ERICH1: variants seen among roughly 807,000 people sequenced by gnomAD.
The protein encoded by ERICH1 is glutamate-rich protein 1.
A neutral mutation model predicts 39.6 loss-of-function variants in ERICH1; 56 were observed. That is an observed-to-expected ratio of 1.41 (90% CI 1.14 to 1.77). The LOEUF is 1.77. ERICH1 is among the 40% of genes most tolerant of loss of function. ERICH1 has a pLI of 0.00. For missense variants in ERICH1, 826 were observed against 575.4 expected (o/e 1.44, Z -4.45); for synonymous variants, 313 against 223.6 (o/e 1.40, Z -3.57).
intron 3 of ERICH1, among the ~76,000 whole-genome samples, chr8:683,205 G>A (rs1806529278): frequency 6.6e-6 from 1 of 152,236 alleles, no homozygotes; most frequent in Admixed American, 6.5e-5. Context: ...CGGTGGCTGT[G>A]GCTGGCGTGG....
At chr8:617,892 T>C (rs1358845243) in intron 3 of ERICH1, among the ~76,000 whole-genome samples, 2 of 144,356 alleles carry the variant, frequency 1.4e-5, no homozygotes, top group Non-Finnish European at 3.0e-5. Context: ...GCCCTCTGAG[T>C]GCTCGGTACT....
At chr8:631,102 C>G (rs187667236) in intron 3 of ERICH1, among the ~76,000 whole-genome samples, 17 of 152,360 alleles carry the variant, frequency 1.1e-4, no homozygotes, top group African/African-American at 4.1e-4. Flanking sequence ...GTGGACAGAG[C>G]TGACTCACAC....
At chr8:715,495 C>T (rs977488417) in intron 2 of ERICH1, among the ~76,000 whole-genome samples, 2 of 152,240 alleles carry the variant, frequency 1.3e-5, no homozygotes, top group African/African-American at 4.8e-5. Flanking sequence ...GGGCACAAGC[C>T]AACGGGGCCA....
chr8:658,226 G>A (rs1800918982), intron 3 of ERICH1, among the ~76,000 whole-genome samples: 1 of 152,210 alleles, frequency 6.6e-6, no homozygotes. Flanking sequence ...GGCCCAGCCT[G>A]GCCCCTTGCT....
intron 3 of ERICH1, among the ~76,000 whole-genome samples, chr8:688,407 C>A (rs988333535): frequency 8.0e-6 from 1 of 125,198 alleles, no homozygotes; most frequent in East Asian, 2.0e-4. Context: ...CGCCCAGGCT[C>A]CGCTTCCCTC....
intron 2 of ERICH1, among the ~76,000 whole-genome samples, chr8:698,738 A>G (rs1255642075): frequency 6.6e-6 from 1 of 152,068 alleles, no homozygotes; most frequent in African/African-American, 2.4e-5. Context: ...TTGGCCTCCT[A>G]AAGTGCTAGG....
At chr8:634,195 A>AAACAAACAAACAAAC (rs74641971) in intron 3 of ERICH1, among the ~76,000 whole-genome samples, 12 of 148,060 alleles carry the variant, frequency 8.1e-5, no homozygotes, top group Non-Finnish European at 1.5e-4. Context: ...AACAAACAAA[A>AAACAAACAAACAAAC]AAAACCCTGA....
chr8:695,417 T>G (rs1809925546), intron 2 of ERICH1, among the ~76,000 whole-genome samples: 1 of 151,960 alleles, frequency 6.6e-6, no homozygotes, highest in South Asian at 2.1e-4. Flanking sequence ...CTGACACAGA[T>G]CCTTACGCCG....
Position 642,774 on chromosome 8 carries a change from G to C in ERICH1, c.976+25824C>G, listed in dbSNP as rs867109174. ...TTGTGGAGTTCTCACCGGCTCAGAG[G>C]GTCAGTGTGAGTGAGCCGATGTGTG... On this transcript the variant is annotated intron_variant, in intron 3 of 3. Coordinates refer to the ERICH1 transcript ENST00000522706. 9.2e-5 allele frequency among the ~76,000 whole-genome samples: 14 copies of C among 152,196 alleles called. No homozygotes were observed. In the South Asian group the frequency reaches 2.7e-3, roughly 29 times the overall value.
chr8:618,357 A>G (rs570299367), intron 3 of ERICH1, among the ~76,000 whole-genome samples: 42 of 140,594 alleles, frequency 3.0e-4, no homozygotes, highest in African/African-American at 1.1e-3. Flanking sequence ...GAGTGCTCGT[A>G]CTTGGTCTGT....
chr8:677,485 C>T (rs1353098492), intron 3 of ERICH1, among the ~76,000 whole-genome samples: 1 of 152,236 alleles, frequency 6.6e-6, no homozygotes, highest in Non-Finnish European at 1.5e-5. Context: ...ACACCTTCAT[C>T]TCGCTCCTCA....
At chr8:726,621 G>C (rs1168678521) in intron 1 of ERICH1, among the ~76,000 whole-genome samples, 1 of 136,366 alleles carries the variant, frequency 7.3e-6, no homozygotes, top group East Asian at 2.3e-4. Context: ...CATGCACATA[G>C]ACACAGGTGA....
At chr8:699,408 T>A (rs568838077) in intron 2 of ERICH1, among the ~76,000 whole-genome samples, 8 of 152,142 alleles carry the variant, frequency 5.3e-5, no homozygotes, top group African/African-American at 1.9e-4. Flanking sequence ...TCTGTATCAA[T>A]GCGAGGCCAC....
intron 2 of ERICH1, among the ~76,000 whole-genome samples, chr8:699,304 A>T (rs1434200638): frequency 6.6e-6 from 1 of 152,066 alleles, no homozygotes; most frequent in Non-Finnish European, 1.5e-5. Context: ...CGCCAGCCCC[A>T]CCAGAGGGCT....
At chr8:685,543 G>A (rs1195288084) in intron 3 of ERICH1, among the ~76,000 whole-genome samples, 1 of 152,180 alleles carries the variant, frequency 6.6e-6, no homozygotes, top group African/African-American at 2.4e-5. Context: ...AGTGATACAT[G>A]TCCATGAAAT....
At chr8:677,817 C>T (rs754070755) in intron 3 of ERICH1, among the ~76,000 whole-genome samples, 2 of 152,158 alleles carry the variant, frequency 1.3e-5, no homozygotes, top group Non-Finnish European at 2.9e-5. Flanking sequence ...TGCGACAGGT[C>T]ACGGGGGCGA....
chr8:664,419 AT>A lies in ERICH1; in HGVS notation c.*183del. On this transcript the variant is annotated 3_prime_UTR_variant, in exon 6 of 6. Transcript: ENST00000262109. Reference sequence around the variant, plus strand: ...AATTGCAAATAAGTGAAAAATTTCCATTTTACCCCAATTTCTCATCTGAAGC... The same window carrying A: ...AATTGCAAATAAGTGAAAAATTTCCATTTACCCCAATTTCTCATCTGAAGC... 2 of 1,249,096 alleles carry A rather than the reference AT, an allele frequency of 1.6e-6. No individual in the cohort carries two copies. Among genetic ancestry groups the A allele is most frequent in the Non-Finnish European group, 2.0e-6 (2 of 996,080 alleles). The allele number at this position is 1,249,096 out of a possible 1,614,324, so 77.4% of individuals were successfully genotyped here.
At chr8:637,688 A>C (rs1274501627) in intron 3 of ERICH1, 1 of 152,320 alleles carries the variant, frequency 6.6e-6, no homozygotes, top group African/African-American at 2.4e-5. Flanking sequence ...GGGTAGGGCA[A>C]CACAGCCCCA....
intron 3 of ERICH1, among the ~76,000 whole-genome samples, chr8:630,380 C>G (rs796131020): frequency 5.6e-3 from 535 of 95,542 alleles, no homozygotes; most frequent in South Asian, 0.014. Flanking sequence ...CCTCCTGTGA[C>G]CACCCACACA....
Sources: gnomAD v4.1 joint callset for allele counts (sites outside exome capture counted in the v4.1 genomes callset) on GRCh38, gnomAD v4.1.1 for gene constraint, MANE v1.5 for transcripts, NCBI Gene and HGNC (gene_info 2026-07-23, HGNC 2026-07-21) for gene names.